Variants in LSG1 observed in about 807,000 individuals in gnomAD.
LSG1 encodes the protein large 60S subunit nuclear export GTPase 1.
A neutral mutation model predicts 82.6 loss-of-function variants in LSG1; 55 were observed. That is an observed-to-expected ratio of 0.67 (90% confidence interval 0.54 to 0.83). The LOEUF (loss-of-function observed/expected upper bound fraction) is 0.83. LSG1 is among the 40% of genes least tolerant of loss of function. The pLI is 0.00. For missense variants in LSG1, 809 were observed against 807.9 expected (o/e 1.00, Z -0.02); for synonymous variants, 272 against 282.5 (o/e 0.96, Z 0.37).
At position 194,644,587 on chromosome 3, in the gene LSG1, T is replaced by G; in HGVS notation, c.1783A>C (p.Thr595Pro). Reference sequence around the variant, plus strand: ...TTAAAACTTACTTGATGGAAAAAAGTTTTGTCAACGATATTTTCAATCTGC... The same window carrying G: ...TTAAAACTTACTTGATGGAAAAAAGGTTTGTCAACGATATTTTCAATCTGC... ...AKQIENIVDK[T>P]FFHQENVRAL... The change falls in exon 13 of 14, where the codon ACT (threonine) becomes CCT (proline). Residue 595 changes from threonine (T) to proline (P), a missense_variant. By Grantham distance (38) the Thr-to-Pro change is conservative. Transcript: ENST00000265245. The G allele has an allele frequency of 6.2e-7, 1 of 1,609,948 alleles. No homozygotes were observed. Among genetic ancestry groups the G allele is most frequent in the Non-Finnish European group, 8.5e-7 (1 of 1,178,744 alleles).
intron 12 of LSG1, among the ~76,000 whole-genome samples, chr3:194,645,577 C>CACAG (rs1718526921): frequency 1.2e-4 from 4 of 33,328 alleles, no homozygotes; most frequent in East Asian, 1.5e-3. Context: ...CACAGACAGA[C>CACAG]ACACACACAC....
intron 5 of LSG1, among the ~76,000 whole-genome samples, chr3:194,662,782 C>G (rs1412272519): frequency 6.6e-6 from 1 of 151,924 alleles, no homozygotes; most frequent in Non-Finnish European, 1.5e-5. Context: ...AACAAAACCA[C>G]ACACACACAA....
At chr3:194,666,947 G>A (rs1398040430) in intron 2 of LSG1, among the ~76,000 whole-genome samples, 2 of 152,180 alleles carry the variant, frequency 1.3e-5, no homozygotes, top group Admixed American at 6.5e-5. Context: ...GGAGTCTAGA[G>A]GATAGGGCCA....
chr3:194,657,411 G>C (rs1318509854), intron 7 of LSG1, among the ~76,000 whole-genome samples: 1 of 148,362 alleles, frequency 6.7e-6, no homozygotes, highest in African/African-American at 2.5e-5. Context: ...AGGTAAAACA[G>C]AACAAATATC....
chr3:194,661,212 C>T (rs1333435901), intron 5 of LSG1, among the ~76,000 whole-genome samples: 1 of 152,170 alleles, frequency 6.6e-6, no homozygotes, highest in Non-Finnish European at 1.5e-5. Flanking sequence ...TAATTTTGGA[C>T]AAATTGTTTT....
intron 2 of LSG1, among the ~76,000 whole-genome samples, chr3:194,668,764 A>G (rs951116981): frequency 6.6e-6 from 1 of 152,222 alleles, no homozygotes; most frequent in Non-Finnish European, 1.5e-5. Flanking sequence ...TGTTCCCTGC[A>G]GCGCTATTCA....
intron 5 of LSG1, among the ~76,000 whole-genome samples, chr3:194,661,038 CT>C (rs2108620266): frequency 6.6e-6 from 1 of 152,256 alleles, no homozygotes; most frequent in South Asian, 2.1e-4. Context: ...CCCCAAAATC[CT>C]TATTCTGTTA....
intron 12 of LSG1, among the ~76,000 whole-genome samples, chr3:194,645,575 G>GACACACACACACACAC (rs57272537): frequency 2.0e-4 from 4 of 20,130 alleles, no homozygotes; most frequent in Admixed American, 1.1e-3. Context: ...CACACAGACA[G>GACACACACACACACAC]ACACACACAC....
intron 6 of LSG1, among the ~76,000 whole-genome samples, 177 bp from the exon 7 acceptor site, chr3:194,659,310 G>T (rs972214769): frequency 3.9e-5 from 6 of 152,066 alleles, no homozygotes; most frequent in African/African-American, 1.4e-4. Context: ...TTGAAAAGAA[G>T]TTCCACCATT....
intron 6 of LSG1, among the ~76,000 whole-genome samples, chr3:194,659,720 T>C (rs968838144): frequency 6.6e-6 from 1 of 152,172 alleles, no homozygotes; most frequent in Non-Finnish European, 1.5e-5. Context: ...CAGAACCTTA[T>C]GGGATGAATT....
rs1718549967 is a variant in LSG1 at position 194,646,225 on chromosome 3, G to T, written c.1562C>A (p.Thr521Lys). The T allele has an allele frequency of 6.2e-7, 1 of 1,614,008 alleles. No homozygotes were observed. Residue 521 changes from threonine to lysine, a missense_variant, in exon 12 of 14, where the codon ACA becomes AAA. Transcript: ENST00000265245. ...TAYGYMRGFM[T>K]AHGQPDQPRS... is the part of the protein sequence containing the mutation. ...AGGCTGGTCTGGCTGTCCATGCGCTGTCATGAATCCTCGCATGTCTGTGGA... is the reference window on the plus strand; with the variant it reads ...AGGCTGGTCTGGCTGTCCATGCGCTTTCATGAATCCTCGCATGTCTGTGGA...
At chr3:194,652,162 G>A (rs1210754577) in intron 8 of LSG1, among the ~76,000 whole-genome samples, 2 of 152,094 alleles carry the variant, frequency 1.3e-5, no homozygotes, top group Non-Finnish European at 2.9e-5. Flanking sequence ...CTAAGGATGG[G>A]GCCATCTAGA....
chr3:194,649,876 A>T (rs553059740), intron 10 of LSG1, among the ~76,000 whole-genome samples: 1 of 152,040 alleles, frequency 6.6e-6, no homozygotes. Context: ...TTATTAGCTT[A>T]TAAGTAGAGT....
chr3:194,667,270 C>T (rs770988038), intron 2 of LSG1, among the ~76,000 whole-genome samples: 2 of 152,028 alleles, frequency 1.3e-5, no homozygotes, highest in Admixed American at 1.3e-4. Context: ...AGGCTGGTCT[C>T]GAACTACTGA....
intron 4 of LSG1, 77 bp downstream of exon 4, chr3:194,666,126 C>A (rs1216067651): frequency 1.6e-5 from 20 of 1,254,882 alleles, no homozygotes; most frequent in Non-Finnish European, 2.2e-5. Flanking sequence ...CTTCAAAACA[C>A]AAATGGCTGT....
At position 194,641,841 on chromosome 3, in the gene LSG1, C is replaced by T. The variant is rs139431464; in HGVS notation, c.*227G>A. On this transcript the variant is annotated 3_prime_UTR_variant, in exon 14 of 14. Coordinates refer to ENST00000265245, the MANE Select transcript of LSG1 (RefSeq NM_018385.3). ...ATGTTGGTGCGTGAGCCACTGTGCC[C>T]GGCCAGGAGTAGGATTCTCGGGCTC... is the stretch of plus-strand genomic sequence containing the variant. 6.2e-3 allele frequency: 2,567 copies of T among 417,252 alleles called. 9 individuals are homozygous for T. Among genetic ancestry groups the T allele is most frequent in the African/African-American group, 9.4e-3 (425 of 45,212 alleles). 25.8% of individuals were successfully genotyped at this position (417,252 alleles called of 1,614,324 possible). A position where few individuals can be genotyped will look rare whatever the true frequency, so the allele number is the denominator to read the frequency against.
chr3:194,651,400 C>A, intron 8 of LSG1, 184 bp from the exon 9 acceptor site: 1 of 590,322 alleles, frequency 1.7e-6, no homozygotes. Flanking sequence ...TTTATTCAGA[C>A]ACATCTCCAG....
At chr3:194,666,966 T>C (rs1719042594) in intron 2 of LSG1, among the ~76,000 whole-genome samples, 1 of 152,170 alleles carries the variant, frequency 6.6e-6, no homozygotes, top group African/African-American at 2.4e-5. Context: ...CAGGAATCTG[T>C]ATGAAAGAGT....
At chr3:194,670,241 T>A in intron 1 of LSG1, 106 bp from the exon 2 acceptor site, 1 of 1,165,884 alleles carries the variant, frequency 8.6e-7, no homozygotes, top group Non-Finnish European at 1.2e-6. Context: ...AGGGTGGTTG[T>A]AGTCCCTTTA....
Sources: gnomAD v4.1 joint callset for allele counts (sites outside exome capture counted in the v4.1 genomes callset) on GRCh38, gnomAD v4.1.1 for gene constraint, MANE v1.5 for transcripts, NCBI Gene and HGNC (gene_info 2026-07-23, HGNC 2026-07-21) for gene names.